The following TBL1X variants were observed in gnomAD, a reference collection of about 807,000 sequenced individuals.
The protein encoded by TBL1X is transducin beta like 1 X-linked, also known as F-box-like/WD repeat-containing protein TBL1X.
TBL1X carries 10 observed loss-of-function variants against 50.7 expected under a neutral mutation model. The ratio of observed to expected loss-of-function variants is 0.20; its 90% confidence interval spans 0.12 to 0.33. TBL1X has a LOEUF of 0.33. TBL1X is among the 10% of genes least tolerant of loss of function. The pLI is 1.00. For missense variants in TBL1X, 340 were observed against 504.4 expected, an observed-to-expected ratio of 0.67 and a Z score of 3.12; for synonymous variants, 190 against 214.7, an observed-to-expected ratio of 0.88 and a Z score of 1.01.
intron 2 of TBL1X, among the ~76,000 whole-genome samples, chrX:9,632,524 C>G (rs1029297565): frequency 2.7e-5 from 3 of 111,600 alleles, no homozygotes; most frequent in Admixed American, 1.9e-4. Flanking sequence ...CTCAAGTAAT[C>G]TCTCCACCTC....
At chrX:9,706,330 A>G (rs1470982317) in intron 13 of TBL1X, among the ~76,000 whole-genome samples, 1 of 111,630 alleles carries the variant, frequency 9.0e-6, no homozygotes, top group African/African-American at 3.3e-5. Flanking sequence ...CCCTAAACCT[A>G]TATGCGTGAT....
intron 2 of TBL1X, among the ~76,000 whole-genome samples, chrX:9,578,756 G>T (rs896564179): frequency 1.8e-5 from 2 of 111,655 alleles, no homozygotes; most frequent in African/African-American, 3.3e-5. Context: ...AAGGAAGCCC[G>T]CACAGCTTGC....
chrX:9,565,164 C>T (rs748074238), intron 2 of TBL1X, among the ~76,000 whole-genome samples: 2 of 101,323 alleles, frequency 2.0e-5, no homozygotes, highest in South Asian at 9.5e-4. Context: ...CCCAGCTACT[C>T]GGGAGGCTGA....
At chrX:9,561,207 G>A (rs1285820004) in intron 2 of TBL1X, among the ~76,000 whole-genome samples, 2 of 111,754 alleles carry the variant, frequency 1.8e-5, no homozygotes, top group African/African-American at 3.3e-5. Context: ...AAAGGCTGGG[G>A]CTTAGAAGTC....
chrX:9,653,822 G>A (rs1447622457), intron 4 of TBL1X, 133 bp downstream of exon 4: 2 of 577,424 alleles, frequency 3.5e-6, no homozygotes, highest in Non-Finnish European at 5.4e-6. Context: ...ACGTCTGCCT[G>A]AGTGCACTTT....
At position 9,584,702 on chromosome X, in the gene TBL1X, A is replaced by G. The variant is rs753591203; in HGVS notation, c.-130-55571A>G. 2.7e-5 allele frequency among the ~76,000 whole-genome samples: 3 copies of G among 112,470 alleles called. No individual in the cohort carries two copies. The South Asian group carries it at 1.1e-3, about 41-fold the overall frequency. ...TTGGTAAAAGTATAGATATTCAGCC[A>G]TTAAAAGGAATGAAGTATTCATATA... On this transcript the variant is annotated intron_variant, in intron 2 of 17. Coordinates refer to ENST00000645353, the MANE Select transcript of TBL1X (RefSeq NM_005647.4).
At chrX:9,676,012 A>G (rs1424033558) in intron 5 of TBL1X, among the ~76,000 whole-genome samples, 1 of 112,176 alleles carries the variant, frequency 8.9e-6, no homozygotes, top group Non-Finnish European at 1.9e-5. Context: ...TAATTTCTCC[A>G]TCTTCCAAAT....
chrX:9,469,979 T>G (rs760844367), intron 1 of TBL1X, among the ~76,000 whole-genome samples: 52 of 112,859 alleles, frequency 4.6e-4, no homozygotes, highest in Non-Finnish European at 6.2e-4. Flanking sequence ...AACAGCACAT[T>G]TTGCACTGTA....
At chrX:9,579,596 C>T (rs770602903) in intron 2 of TBL1X, among the ~76,000 whole-genome samples, 9 of 111,490 alleles carry the variant, frequency 8.1e-5, no homozygotes, top group African/African-American at 2.6e-4. Context: ...TCCTTTACAC[C>T]ACAGAGCCTC....
intron 7 of TBL1X, 111 bp from the exon 8 acceptor site, chrX:9,691,468 C>T (rs1293142428): frequency 3.9e-5 from 24 of 616,456 alleles, no homozygotes; most frequent in Middle Eastern, 3.5e-4. Flanking sequence ...AAGGAATCAT[C>T]AGAGGTAGTA....
intron 2 of TBL1X, among the ~76,000 whole-genome samples, chrX:9,606,967 G>T (rs1007831915): frequency 5.3e-5 from 6 of 112,360 alleles, no homozygotes; most frequent in Non-Finnish European, 1.1e-4. Flanking sequence ...ACAGTCTTCT[G>T]TGCAAAGTTA....
chrX:9,716,345 C>T lies in TBL1X; in HGVS notation c.*99C>T, dbSNP rs1011782221. On this transcript the variant is annotated 3_prime_UTR_variant, in exon 18 of 18. Coordinates refer to ENST00000645353, the MANE Select transcript of TBL1X (RefSeq NM_005647.4). ...TCCAAAACTGTAGGAACTTGACTTG[C>T]GTTAGAGTGTACTCTGAAACCAACT... 5 of 887,378 alleles carry T rather than the reference C, an allele frequency of 5.6e-6. No homozygotes were observed. The highest frequency in any genetic ancestry group is 4.0e-5 in the African/African-American group (2 of 50,589). The allele number at this position is 887,378 out of a possible 1,213,427, so 73.1% of individuals were successfully genotyped here. A position where few individuals can be genotyped will look rare whatever the true frequency, so the allele number is the denominator to read the frequency against.
At chrX:9,483,072 TAG>T (rs1402330106) in intron 1 of TBL1X, among the ~76,000 whole-genome samples, 4 of 111,104 alleles carry the variant, frequency 3.6e-5, no homozygotes, top group African/African-American at 9.8e-5. Flanking sequence ...ATCTAGCAGG[TAG>T]AGGCCAGGGC....
At chrX:9,633,372 A>G (rs2082730656) in intron 2 of TBL1X, among the ~76,000 whole-genome samples, 1 of 111,890 alleles carries the variant, frequency 8.9e-6, no homozygotes, top group Non-Finnish European at 1.9e-5. Flanking sequence ...ATCCACCTAG[A>G]TCAAGACTAT....
chrX:9,691,488 TA>T (rs1011746619), intron 7 of TBL1X, 90 bp from the exon 8 acceptor site: 31 of 832,283 alleles, frequency 3.7e-5, no homozygotes, highest in African/African-American at 4.4e-5. Context: ...ATTTAGTACA[TA>T]AAAAAAATGT....
At chrX:9,579,901 G>T (rs1362778980) in intron 2 of TBL1X, among the ~76,000 whole-genome samples, 1 of 111,616 alleles carries the variant, frequency 9.0e-6, no homozygotes, top group African/African-American at 3.3e-5. Flanking sequence ...ATCTTTCAGT[G>T]GGTTCATAAG....
In TBL1X at chrX:9,717,615, A is replaced by T. The variant is rs1015493551; in HGVS notation, c.*1369A>T. 1 of 113,168 alleles carries T rather than the reference A, an allele frequency of 8.8e-6. No individual in the cohort carries two copies. The highest frequency in any genetic ancestry group is 1.9e-5 in the Non-Finnish European group (1 of 53,451). 9.3% of individuals were successfully genotyped at this position (113,168 alleles called of 1,213,427 possible). On this transcript the variant is annotated 3_prime_UTR_variant, in exon 18 of 18. Transcript: ENST00000645353. ...GGGAGCATTGGCAGAACCATAAGGT[A>T]CTGCAGAAGCCGTCGAAACCGACTG...
At chrX:9,529,416 C>T (rs1029541277) in intron 2 of TBL1X, among the ~76,000 whole-genome samples, 2 of 111,361 alleles carry the variant, frequency 1.8e-5, no homozygotes, top group Non-Finnish European at 3.8e-5. Flanking sequence ...TCCGCAGTTG[C>T]CTGGAATGCT....
At chrX:9,540,730 T>C in intron 2 of TBL1X, among the ~76,000 whole-genome samples, 1 of 112,340 alleles carries the variant, frequency 8.9e-6, no homozygotes, top group Admixed American at 9.4e-5. Context: ...TATTATATTT[T>C]CCTATAGTTT....
Sources: gnomAD v4.1 joint callset for allele counts (sites outside exome capture counted in the v4.1 genomes callset) on GRCh38, gnomAD v4.1.1 for gene constraint, MANE v1.5 for transcripts, NCBI Gene and HGNC (gene_info 2026-07-23, HGNC 2026-07-21) for gene names.